Variants in RHBDL3 observed in about 807,000 individuals in gnomAD.
RHBDL3 encodes the protein rhomboid-related protein 3.
Under a neutral mutation model 48.2 loss-of-function variants are expected in RHBDL3, and 28 were observed. The ratio of observed to expected loss-of-function variants is 0.58; its 90% CI spans 0.43 to 0.80. The LOEUF is 0.80. RHBDL3 is among the 30% of genes least tolerant of loss of function. The probability of loss-of-function intolerance (pLI) is 0.00; values close to 1 mark genes in which losing one functional copy is unlikely to be tolerated. For synonymous variants in RHBDL3, 208 were observed against 232.3 expected, an observed-to-expected ratio of 0.90 and a Z score of 0.95; for missense variants, 464 against 542.7, an observed-to-expected ratio of 0.85 and a Z score of 1.44.
chr17:32,307,059 C>G (rs1413028586), intron 7 of RHBDL3, among the ~76,000 whole-genome samples: 2 of 152,180 alleles, frequency 1.3e-5, no homozygotes, highest in Non-Finnish European at 2.9e-5. Flanking sequence ...CTAGACAAAG[C>G]CTTGAAGGCC....
chr17:32,296,964 CCAGCCT>C (rs903652187), intron 5 of RHBDL3, among the ~76,000 whole-genome samples: 137 of 152,016 alleles, frequency 9.0e-4, no homozygotes, highest in African/African-American at 3.2e-3. Flanking sequence ...CAGGCACCTG[CCAGCCT>C]CAGCTTCTCT....
rs142187820 is a variant in RHBDL3 at position 32,286,667 on chromosome 17, G to T, written c.294+1850G>T. Among the ~76,000 whole-genome samples the T allele has an allele frequency of 4.4e-3, 668 of 152,350 alleles. 10 individuals are homozygous for T. The highest frequency in any genetic ancestry group is 0.014 in the African/African-American group (595 of 41,580). On this transcript the variant is annotated intron_variant, in intron 3 of 8. Transcript: ENST00000269051. ...CCTTTGTGAGCCTTTATCTGCTCAA[G>T]CCAGGCAGAGTGAGTCAGCCTTTTT...
intron 2 of RHBDL3, chr17:32,284,440 A>G (rs2040145642): frequency 3.9e-6 from 2 of 506,684 alleles, no homozygotes; most frequent in Non-Finnish European, 7.0e-6. Flanking sequence ...TATCCACGTG[A>G]GATGGTTGGA....
chr17:32,299,440 A>G (rs2040531988), intron 6 of RHBDL3, among the ~76,000 whole-genome samples: 1 of 152,190 alleles, frequency 6.6e-6, no homozygotes, highest in Non-Finnish European at 1.5e-5. Flanking sequence ...TCCTTGAATA[A>G]AGGGCTAATG....
At chr17:32,271,046 A>T (rs931679847) in intron 2 of RHBDL3, among the ~76,000 whole-genome samples, 2 of 151,826 alleles carry the variant, frequency 1.3e-5, no homozygotes, top group East Asian at 1.9e-4. Context: ...TTAAAAGTTT[A>T]AAAAAAAATT....
intron 7 of RHBDL3, among the ~76,000 whole-genome samples, chr17:32,308,606 C>T (rs1348597034): frequency 2.0e-5 from 3 of 151,998 alleles, no homozygotes; most frequent in Admixed American, 6.6e-5. Flanking sequence ...AGAGTGAAGC[C>T]CTGTCTCAAA....
At chr17:32,304,521 C>G (rs1359385201) in intron 6 of RHBDL3, among the ~76,000 whole-genome samples, 1 of 152,234 alleles carries the variant, frequency 6.6e-6, no homozygotes, top group Admixed American at 6.5e-5. Context: ...GCTTAGTCTC[C>G]TCATCTCAGG....
rs777874990 is a variant in RHBDL3, at chr17:32,316,285, T to G, written c.936T>G (p.Leu312=). The change falls in exon 8 of 9, where the codon CTT becomes CTG. Residue 312 remains leucine (L), a synonymous_variant. Transcript: ENST00000269051. ...QFKLLRMAVA[L]ICMSMEFGRA... is the part of the protein sequence containing the mutation. Reference sequence around the variant, plus strand: ...AGCTGCTGCGGATGGCTGTGGCCCTTATCTGTAGTAAGTACTGATGGGGCG... The same window carrying G: ...AGCTGCTGCGGATGGCTGTGGCCCTGATCTGTAGTAAGTACTGATGGGGCG... 1 of 1,612,872 alleles carries G rather than the reference T, an allele frequency of 6.2e-7. No individual in the cohort carries two copies. The highest frequency in any genetic ancestry group is 2.2e-5 in the East Asian group (1 of 44,878).
chr17:32,284,052 G>A (rs554504718), intron 2 of RHBDL3: 5 of 152,414 alleles, frequency 3.3e-5, no homozygotes, highest in East Asian at 1.9e-4. Context: ...ACACACAGAC[G>A]CGCACTCCTA....
chr17:32,317,421 C>T (rs915526358), intron 8 of RHBDL3, among the ~76,000 whole-genome samples: 1 of 152,170 alleles, frequency 6.6e-6, no homozygotes, highest in Admixed American at 6.6e-5. Context: ...AGTCCAAGAA[C>T]CTCTAGGAAC....
Position 32,265,861 on chromosome 17 carries a change from G to A in RHBDL3, c.-329G>A, listed in dbSNP as rs1048497181. On this transcript the variant is annotated 5_prime_UTR_variant, in exon 1 of 9. Transcript: ENST00000269051. ...AGCGGGGGCCGCGAGAAGCGGGAAG[G>A]GAGCGCGGGGAGCGGCGGGGCCGGG... Among the ~76,000 whole-genome samples the A allele has an allele frequency of 1.0e-4, 15 of 147,524 alleles. No homozygotes were observed. The highest frequency in any genetic ancestry group is 3.4e-4 in the African/African-American group (14 of 41,086).
At chr17:32,272,220 C>T (rs974591488) in intron 2 of RHBDL3, among the ~76,000 whole-genome samples, 8 of 152,264 alleles carry the variant, frequency 5.3e-5, no homozygotes, top group Non-Finnish European at 1.2e-4. Flanking sequence ...GATCCAGGCC[C>T]CTACGGGGAA....
At chr17:32,284,611 G>T in intron 2 of RHBDL3, 48 bp from the exon 3 acceptor site, 1 of 1,589,622 alleles carries the variant, frequency 6.3e-7, no homozygotes, top group Non-Finnish European at 8.6e-7. Context: ...TCAGTGTGAA[G>T]AGGAGGTGGT....
At chr17:32,296,846 C>G (rs183102048) in intron 5 of RHBDL3, among the ~76,000 whole-genome samples, 213 of 146,898 alleles carry the variant, frequency 1.4e-3, no homozygotes, top group Middle Eastern at 3.5e-3. Flanking sequence ...AGGAATCTCG[C>G]TCTTTTGCCC....
rs301353 is a variant in RHBDL3 at position 32,277,255 on chromosome 17, A to G, written c.136-7404A>G. 6.6e-3 allele frequency among the ~76,000 whole-genome samples: 1,008 copies of G among 152,316 alleles called. 35 individuals carry two copies. Among genetic ancestry groups the G allele is most frequent in the Admixed American group, 0.056 (855 of 15,304 alleles). ...TGGACAGGGAGAGGGTCCTCCTGGG[A>G]GAGAGAATTCAAGCCTTGGAGGCAG... On this transcript the variant is annotated intron_variant, in intron 2 of 8. Coordinates refer to ENST00000269051, the MANE Select transcript of RHBDL3 (RefSeq NM_138328.3).
chr17:32,278,486 C>T (rs1458291642), intron 2 of RHBDL3, among the ~76,000 whole-genome samples: 1 of 152,156 alleles, frequency 6.6e-6, no homozygotes, highest in Non-Finnish European at 1.5e-5. Flanking sequence ...CCTGTTTCCC[C>T]ATAAAACGAG....
At chr17:32,313,083 C>T (rs989008012) in intron 7 of RHBDL3, among the ~76,000 whole-genome samples, 2 of 151,320 alleles carry the variant, frequency 1.3e-5, no homozygotes, top group Middle Eastern at 3.2e-3. Context: ...GGATTACAGG[C>T]GTGAGCACCT....
chr17:32,269,582 ACGGGTAGAG>A (rs2039722133), intron 2 of RHBDL3, among the ~76,000 whole-genome samples: 1 of 152,162 alleles, frequency 6.6e-6, no homozygotes, highest in African/African-American at 2.4e-5. Context: ...TCCTGTCCTG[ACGGGTAGAG>A]CATCTCTCCC....
chr17:32,291,357 A>G (rs2040324069), intron 4 of RHBDL3, among the ~76,000 whole-genome samples: 2 of 150,616 alleles, frequency 1.3e-5, no homozygotes, highest in Admixed American at 1.3e-4. Flanking sequence ...GAAAAAAAAA[A>G]AAGAATTTAG....
Sources: gnomAD v4.1 joint callset for allele counts (sites outside exome capture counted in the v4.1 genomes callset) on GRCh38, gnomAD v4.1.1 for gene constraint, MANE v1.5 for transcripts, NCBI Gene and HGNC (gene_info 2026-07-23, HGNC 2026-07-21) for gene names.